Variants in ESRRG observed in about 807,000 individuals in gnomAD.
ESRRG encodes estrogen related receptor gamma.
A neutral mutation model predicts 44.0 loss-of-function variants in ESRRG; 13 were observed. The ratio of observed to expected loss-of-function variants is 0.30; its 90% CI spans 0.19 to 0.47. The LOEUF is 0.47. Ranked by LOEUF, ESRRG falls within the 20% of genes least tolerant of loss-of-function variation. The pLI, the probability that ESRRG is intolerant of heterozygous loss-of-function variation, is 1.00. For synonymous variants in ESRRG, 215 were observed against 214.6 expected (o/e 1.00, Z -0.02); for missense variants, 395 against 580.6 (o/e 0.68, Z 3.29).
In ESRRG at chr1:216,716,226, C is replaced by T. The variant is rs567000100; in HGVS notation, c.56+7018G>A. Among the ~76,000 whole-genome samples, 9 of 152,128 alleles carry T rather than the reference C, an allele frequency of 5.9e-5. No homozygotes were observed. In the East Asian group the frequency reaches 1.7e-3, roughly 29 times the overall value. On this transcript the variant is annotated intron_variant, in intron 1 of 6. Transcript: ENST00000408911. ...TGTCTTTCTAAACCTATTTTACTTT[C>T]AAGGTAGTAGAAAAATTTGAATGAA...
At chr1:216,853,271 A>G (rs2095868329) in intron 2 of ESRRG, among the ~76,000 whole-genome samples, 1 of 152,162 alleles carries the variant, frequency 6.6e-6, no homozygotes, top group East Asian at 1.9e-4. Flanking sequence ...CTTCACTTTC[A>G]GAGTAGATCC....
At chr1:217,028,470 G>C (rs571313074) in intron 1 of ESRRG, among the ~76,000 whole-genome samples, 8 of 152,326 alleles carry the variant, frequency 5.3e-5, no homozygotes, top group Non-Finnish European at 1.0e-4. Context: ...CAAGTTCAGA[G>C]GGGCCTGAGC....
chr1:216,888,534 T>C (rs1033087419), intron 2 of ESRRG, among the ~76,000 whole-genome samples: 1 of 152,208 alleles, frequency 6.6e-6, no homozygotes, highest in African/African-American at 2.4e-5. Flanking sequence ...TCTTTCAGCA[T>C]GTCCAGCAAG....
intron 2 of ESRRG, among the ~76,000 whole-genome samples, chr1:216,832,441 C>T (rs1320636256): frequency 6.6e-6 from 1 of 152,174 alleles, no homozygotes; most frequent in Non-Finnish European, 1.5e-5. Context: ...AGACAAGTCA[C>T]CTGCTGAAAT....
chr1:216,731,864 G>T (rs532972003), intron 2 of ESRRG, among the ~76,000 whole-genome samples: 4 of 152,110 alleles, frequency 2.6e-5, no homozygotes, highest in African/African-American at 9.7e-5. Context: ...CTGTGTTACC[G>T]AAAAGCAAGA....
At chr1:216,671,305 A>T (rs1245906070) in intron 2 of ESRRG, among the ~76,000 whole-genome samples, 3 of 152,218 alleles carry the variant, frequency 2.0e-5, no homozygotes, top group Non-Finnish European at 4.4e-5. Context: ...AAATTTCCAG[A>T]CAGTTCACCT....
intron 2 of ESRRG, among the ~76,000 whole-genome samples, chr1:216,673,012 T>G (rs1357732853): frequency 6.6e-6 from 1 of 152,178 alleles, no homozygotes; most frequent in Admixed American, 6.5e-5. Flanking sequence ...TGTAACGGCC[T>G]GTCCATTGGG....
intron 1 of ESRRG, among the ~76,000 whole-genome samples, chr1:217,119,397 G>A (rs75581111): frequency 0.029 from 4,356 of 152,280 alleles, 88 homozygotes; most frequent in African/African-American, 0.031. Flanking sequence ...GGTACATGAT[G>A]TGAAAATAAT....
At chr1:216,641,718 A>G (rs926856358) in intron 3 of ESRRG, among the ~76,000 whole-genome samples, 2 of 152,246 alleles carry the variant, frequency 1.3e-5, no homozygotes, top group African/African-American at 4.8e-5. Flanking sequence ...GTTCCCAGGA[A>G]TTGAACAGCT....
intron 2 of ESRRG, among the ~76,000 whole-genome samples, chr1:216,912,103 A>C (rs964524591): frequency 7.3e-6 from 1 of 136,470 alleles, no homozygotes; most frequent in African/African-American, 2.8e-5. Context: ...ACCCTGTAAA[A>C]AAAGAAGAAA....
At chr1:216,516,668 C>CACAGAGAGAG (rs376701865) in intron 6 of ESRRG, among the ~76,000 whole-genome samples, 15 of 137,166 alleles carry the variant, frequency 1.1e-4, no homozygotes, top group South Asian at 4.6e-4. Flanking sequence ...CACACACACA[C>CACAGAGAGAG]AGAGAGAGAG....
chr1:216,603,758 G>A (rs190052070), intron 3 of ESRRG, among the ~76,000 whole-genome samples: 2 of 151,952 alleles, frequency 1.3e-5, no homozygotes, highest in East Asian at 1.9e-4. Context: ...GGGAAACCAC[G>A]TCTCTACTAA....
At chr1:217,039,616 CCCATAATATGTGGGAA>C (rs1558066105) in intron 1 of ESRRG, among the ~76,000 whole-genome samples, 1 of 152,148 alleles carries the variant, frequency 6.6e-6, no homozygotes, top group Non-Finnish European at 1.5e-5. Flanking sequence ...CTAGCTCCTT[CCCATAATATGTGGGAA>C]CCATGGGAGC....
intron 2 of ESRRG, among the ~76,000 whole-genome samples, chr1:216,809,148 T>A (rs1468685694): frequency 6.6e-6 from 1 of 152,162 alleles, no homozygotes; most frequent in Non-Finnish European, 1.5e-5. Context: ...TTTTTGCCAA[T>A]GTTAGTGATA....
At chr1:217,080,871 G>T (rs2091706507) in intron 1 of ESRRG, among the ~76,000 whole-genome samples, 1 of 151,720 alleles carries the variant, frequency 6.6e-6, no homozygotes, top group South Asian at 2.1e-4. Context: ...TGGAGACGGG[G>T]TTTCACCGTG....
chr1:216,994,084 T>A lies in ESRRG; in HGVS notation c.-105-54411A>T, dbSNP rs137950803. On this transcript the variant is annotated intron_variant, in intron 1 of 7. Coordinates refer to the ESRRG transcript ENST00000359162. ...AAGTGCATTTCTGAGAGTTCTTAAATGTAAGCATATCTCTGAGCTTGCTAA... is the reference window on the plus strand; with the variant it reads ...AAGTGCATTTCTGAGAGTTCTTAAAAGTAAGCATATCTCTGAGCTTGCTAA... Among the ~76,000 whole-genome samples, 4 of 152,328 alleles carry A rather than the reference T, an allele frequency of 2.6e-5. No individual in the cohort carries two copies. In the East Asian group the frequency reaches 7.7e-4, roughly 29 times the overall value.
At chr1:216,990,695 T>C (rs968717771) in intron 1 of ESRRG, among the ~76,000 whole-genome samples, 1 of 152,212 alleles carries the variant, frequency 6.6e-6, no homozygotes, top group Non-Finnish European at 1.5e-5. Context: ...CTTATGGTTT[T>C]CTTAATAACA....
At chr1:216,554,783 G>A (rs560472972) in intron 5 of ESRRG, among the ~76,000 whole-genome samples, 8 of 152,204 alleles carry the variant, frequency 5.3e-5, no homozygotes, top group African/African-American at 9.6e-5. Flanking sequence ...ATAGTGCTTC[G>A]ACTACATCTA....
chr1:216,907,838 A>G (rs1471260819), intron 2 of ESRRG, among the ~76,000 whole-genome samples: 1 of 152,142 alleles, frequency 6.6e-6, no homozygotes, highest in Admixed American at 6.5e-5. Flanking sequence ...TATCTAAAGG[A>G]AGCCAGGCAC....
Sources: allele counts gnomAD v4.1 joint callset (sites outside exome capture counted in the v4.1 genomes callset), GRCh38; gene constraint gnomAD v4.1.1; transcripts MANE v1.5; gene names NCBI Gene and HGNC (gene_info 2026-07-23, HGNC 2026-07-21).